NRK: variants seen among roughly 807,000 people sequenced by gnomAD.
NRK encodes the protein nik-related protein kinase.
A neutral mutation model predicts 125.2 loss-of-function variants in NRK; 67 were observed. The observed-to-expected ratio is 0.54, with a 90% confidence interval of 0.44 to 0.66. The LOEUF (loss-of-function observed/expected upper bound fraction) is 0.66. Among genes scored for constraint, NRK ranks in the 30% least tolerant of loss-of-function variants. The pLI is 0.00. For missense variants in NRK, 1,224 were observed against 1,192.9 expected, an observed-to-expected ratio of 1.03 and a Z score of -0.38; for synonymous variants, 458 against 429.0, an observed-to-expected ratio of 1.07 and a Z score of -0.84.
chrX:105,893,574 A>G (rs764146148), intron 5 of NRK, among the ~76,000 whole-genome samples: 1 of 112,037 alleles, frequency 8.9e-6, no homozygotes, highest in South Asian at 3.7e-4. Flanking sequence ...CCTTCAAGAC[A>G]TAGCTCAAAC....
rs147761956 is a variant in NRK at position 105,855,721 on chromosome X, C to T, written c.124-24478C>T. 3.8e-3 allele frequency among the ~76,000 whole-genome samples: 423 copies of T among 111,947 alleles called. 1 individual carries two copies. Among genetic ancestry groups the T allele is most frequent in the African/African-American group, 0.013 (401 of 30,870 alleles). ...CAGAAAGATGAGATCCACTAAACCACTGTAGATGCCATATATTATGTGAAA... is the reference window on the plus strand; with the variant it reads ...CAGAAAGATGAGATCCACTAAACCATTGTAGATGCCATATATTATGTGAAA... On this transcript the variant is annotated intron_variant, in intron 2 of 28. Transcript: ENST00000243300.
At chrX:105,863,014 A>AG (rs1267478896) in intron 2 of NRK, among the ~76,000 whole-genome samples, 2 of 112,225 alleles carry the variant, frequency 1.8e-5, no homozygotes, top group Non-Finnish European at 3.8e-5. Flanking sequence ...CAGGCCTGAG[A>AG]GAAACAAAAA....
At chrX:105,922,974 A>T (rs892342162) in intron 17 of NRK, 144 bp from the exon 18 acceptor site, 19 of 515,762 alleles carry the variant, frequency 3.7e-5, no homozygotes, top group Non-Finnish European at 6.0e-5. Context: ...TCTCATCCTC[A>T]CTAAAATTTT....
At chrX:105,857,410 G>A (rs913736462) in intron 2 of NRK, among the ~76,000 whole-genome samples, 1 of 111,496 alleles carries the variant, frequency 9.0e-6, no homozygotes, top group East Asian at 2.8e-4. Flanking sequence ...AGATCGAGGT[G>A]AGAGATCAGA....
At position 105,909,335 on chromosome X, in the gene NRK, C is replaced by T; in HGVS notation, c.1694C>T (p.Ala565Val). ...GAACAGCCAGAGGTACAGGAACAGG[C>T]TGCCGAGCCTGCACAGGCAGAGACT... The part of the protein sequence containing the change: ...APEQPEVQEQ[A>V]AEPAQAETEA... The change falls in exon 13 of 29, where the codon GCT (alanine) becomes GTT (valine). Residue 565 changes from alanine (A) to valine (V), a missense_variant. Physicochemically the swap from Ala to Val is moderately conservative, Grantham distance 64. Coordinates refer to ENST00000243300, the MANE Select transcript of NRK (RefSeq NM_198465.4). 1.7e-6 allele frequency: 2 copies of T among 1,204,977 alleles called. No individual in the cohort carries two copies. Among genetic ancestry groups the T allele is most frequent in the Non-Finnish European group, 2.2e-6 (2 of 891,300 alleles).
intron 26 of NRK, chrX:105,948,592 A>G (rs1227039873): frequency 2.2e-5 from 10 of 461,765 alleles, no homozygotes; most frequent in Non-Finnish European, 2.6e-5. Flanking sequence ...CTTTCCTGCA[A>G]TTTCTTTTAC....
At position 105,906,477 on chromosome X, in the gene NRK, T is replaced by A. The variant is rs772064020; in HGVS notation, c.909T>A (p.Thr303=). 1.3e-5 allele frequency: 15 copies of A among 1,170,174 alleles called. No homozygotes were observed. Among genetic ancestry groups the A allele is most frequent in the Non-Finnish European group, 1.7e-5 (15 of 868,055 alleles). ...TAAAAAATTTCCTGTTTCGTCCTAC[T>A]TCTGCAAACATGCTTCAACACCCAT... is the stretch of plus-strand genomic sequence containing the variant. ...CTIKNFLFRP[T]SANMLQHPFV... is the part of the protein sequence containing the mutation. Residue 303 remains threonine, a synonymous_variant, in exon 11 of 29, where the codon ACT becomes ACA. Coordinates refer to ENST00000243300, the MANE Select transcript of NRK (RefSeq NM_198465.4).
At chrX:105,942,117 C>T (rs772768306) in intron 23 of NRK, among the ~76,000 whole-genome samples, 16 of 111,923 alleles carry the variant, frequency 1.4e-4, no homozygotes, top group Non-Finnish European at 2.8e-4. Context: ...TAACATGTAT[C>T]AGCAATTCCT....
chrX:105,822,156 GC>G (rs1569282991), upstream of NRK, among the ~76,000 whole-genome samples: 1 of 112,515 alleles, frequency 8.9e-6, no homozygotes, highest in Non-Finnish European at 1.9e-5. Context: ...AGTCTAGGGC[GC>G]GGGTTGTTTG....
chrX:105,930,037 C>T (rs1349869571), intron 19 of NRK, among the ~76,000 whole-genome samples: 4 of 111,624 alleles, frequency 3.6e-5, no homozygotes, highest in South Asian at 3.7e-4. Context: ...GACAGTTTCA[C>T]TGTGATTTTC....
intron 3 of NRK, 27 bp from the exon 4 acceptor site, chrX:105,881,681 C>T (rs1242583379): frequency 2.1e-6 from 2 of 933,211 alleles, no homozygotes; most frequent in African/African-American, 3.9e-5. Context: ...ACCAGTACAT[C>T]TAATAACATT....
chrX:105,900,164 AC>A (rs2040139037), intron 8 of NRK, among the ~76,000 whole-genome samples: 1 of 96,009 alleles, frequency 1.0e-5, no homozygotes, highest in Non-Finnish European at 2.0e-5. Context: ...ACACACACAC[AC>A]ACACACACAC....
chrX:105,854,113 G>A (rs2039505036), intron 2 of NRK, among the ~76,000 whole-genome samples: 1 of 111,946 alleles, frequency 8.9e-6, no homozygotes, highest in Non-Finnish European at 1.9e-5. Context: ...TGTTTCTGCA[G>A]AACTTTCAGA....
At chrX:105,875,930 GA>G (rs1196303366) in intron 2 of NRK, among the ~76,000 whole-genome samples, 2 of 110,955 alleles carry the variant, frequency 1.8e-5, no homozygotes, top group Non-Finnish European at 3.8e-5. Context: ...TGTGATGCTT[GA>G]AAATTATTTA....
intron 2 of NRK, among the ~76,000 whole-genome samples, chrX:105,868,212 C>T (rs1300190965): frequency 9.0e-6 from 1 of 110,953 alleles, no homozygotes; most frequent in African/African-American, 3.3e-5. Flanking sequence ...TGCCTTTGGA[C>T]AGTGGGAATC....
chrX:105,940,064 A>G (rs1602696291), intron 23 of NRK, 32 bp downstream of exon 23: 15 of 1,041,721 alleles, frequency 1.4e-5, no homozygotes, highest in African/African-American at 9.5e-5. Flanking sequence ...CTACAGCTAT[A>G]TAAATTTTGC....
intron 22 of NRK, among the ~76,000 whole-genome samples, chrX:105,938,990 A>G (rs1229375089): frequency 3.6e-5 from 4 of 111,080 alleles, no homozygotes; most frequent in Admixed American, 1.9e-4. Context: ...AGAACTCAAT[A>G]TCATGAGAAA....
At chrX:105,823,655 A>G (rs935933888) in intron 1 of NRK, among the ~76,000 whole-genome samples, 1 of 109,929 alleles carries the variant, frequency 9.1e-6, no homozygotes, top group African/African-American at 3.3e-5. Flanking sequence ...GTTGTAATTG[A>G]TTGGTAAGCT....
At position 105,955,518 on chromosome X, in the gene NRK, C is replaced by T. The variant is rs866670823; in HGVS notation, c.4667C>T (p.Ser1556Phe). Residue 1556 changes from serine (S) to phenylalanine (F), a missense_variant, in exon 29 of 29, where the codon TCT becomes TTT. Transcript: ENST00000243300. The stretch of plus-strand genomic sequence containing the variant: ...TTCTTTTTCAAGCTGTTCTTTACCT[C>T]TACCCTGCGCAATCACCACAGCCGG... ...CTRGDKLFFT[S>F]TLRNHHSRVY... 1.0e-5 allele frequency: 12 copies of T among 1,182,361 alleles called. No homozygotes were observed. Among genetic ancestry groups the T allele is most frequent in the Non-Finnish European group, 1.3e-5 (11 of 875,834 alleles).
Sources: allele counts gnomAD v4.1 joint callset (sites outside exome capture counted in the v4.1 genomes callset), GRCh38; gene constraint gnomAD v4.1.1; transcripts MANE v1.5; gene names NCBI Gene and HGNC (gene_info 2026-07-23, HGNC 2026-07-21).